RAB33A: variants seen among roughly 807,000 people sequenced by gnomAD.
RAB33A encodes RAB33A, member RAS oncogene family, also known as ras-related protein Rab-33A.
RAB33A carries 6 observed loss-of-function variants against 12.0 expected under a neutral mutation model. That is an observed-to-expected ratio of 0.50 (90% confidence interval 0.27 to 0.99). The LOEUF (loss-of-function observed/expected upper bound fraction) is 0.99, where lower values mean the gene tolerates loss of function less well. Among genes scored for constraint, RAB33A ranks in the 50% least tolerant of loss-of-function variants. The pLI, the probability that RAB33A is intolerant of heterozygous loss-of-function variation, is 0.11. For synonymous variants in RAB33A, 70 were observed against 82.4 expected (o/e 0.85, Z 0.81); for missense variants, 109 against 192.0 (o/e 0.57, Z 2.55).
At chrX:130,138,261 C>T in the RAB33A span, among the ~76,000 whole-genome samples, 10 of 110,545 alleles carry the variant, frequency 9.0e-5, no homozygotes, top group South Asian at 3.8e-4. Context: ...GTCAGGAGAT[C>T]GAGACAGTCC....
At chrX:130,165,068 C>T in the RAB33A span, among the ~76,000 whole-genome samples, 1 of 110,180 alleles carries the variant, frequency 9.1e-6, no homozygotes, top group African/African-American at 3.3e-5. Flanking sequence ...CTTACTTGCC[C>T]TGCACCGTTT....
chrX:130,145,583 A>C, the RAB33A span: 4 of 1,126,073 alleles, frequency 3.6e-6, no homozygotes, highest in African/African-American at 5.4e-5. Context: ...TATGGAGAAG[A>C]GAGGGAGAAT....
chrX:130,145,009 A>G, the RAB33A span, among the ~76,000 whole-genome samples: 1 of 112,142 alleles, frequency 8.9e-6, no homozygotes, highest in East Asian at 2.8e-4. Flanking sequence ...AGTACCTGCC[A>G]TTAACAACAA....
the RAB33A span, among the ~76,000 whole-genome samples, chrX:130,115,265 C>T: frequency 3.8e-5 from 1 of 26,609 alleles, no homozygotes; most frequent in Non-Finnish European, 6.5e-5. Flanking sequence ...TATACCACAA[C>T]GCCACAGTTT....
chrX:130,137,658 C>T, the RAB33A span: 10 of 1,104,421 alleles, frequency 9.1e-6, no homozygotes, highest in Non-Finnish European at 1.2e-5. Context: ...TTCAAAGACA[C>T]CCATAATTCT....
At chrX:130,151,833 G>C in the RAB33A span, among the ~76,000 whole-genome samples, 2 of 111,318 alleles carry the variant, frequency 1.8e-5, no homozygotes, top group Non-Finnish European at 3.8e-5. Context: ...TTGAGGCCAG[G>C]AGTTCGAGAC....
chrX:130,120,233 TG>T, the RAB33A span, among the ~76,000 whole-genome samples: 1 of 109,870 alleles, frequency 9.1e-6, no homozygotes, highest in Admixed American at 9.6e-5. Flanking sequence ...TTTTGTTTTT[TG>T]TTTTTTTTTC....
At chrX:130,178,931 C>A (rs1038085680) in intron 1 of RAB33A, among the ~76,000 whole-genome samples, 1 of 106,102 alleles carries the variant, frequency 9.4e-6, no homozygotes, top group East Asian at 2.9e-4. Context: ...GGATTACAGG[C>A]GTGAGCCACC....
At chrX:130,115,914 TTGGGTTTACATGACAAGGCCA>T in the RAB33A span, among the ~76,000 whole-genome samples, 1 of 110,715 alleles carries the variant, frequency 9.0e-6, no homozygotes, top group Non-Finnish European at 1.9e-5. Flanking sequence ...TTTGCATCTG[TTGGGTTTACATGACAAGGCCA>T]TGGGTATCCA....
At chrX:130,136,770 G>GAGC in the RAB33A span, 44 of 1,162,666 alleles carry the variant, frequency 3.8e-5, no homozygotes, top group Non-Finnish European at 5.2e-5. Context: ...AGCCTACAAG[G>GAGC]CTATCACTTT....
At chrX:130,171,723 G>C (rs1008405565), upstream of RAB33A, 39 of 255,183 alleles carry the variant, frequency 1.5e-4, 1 homozygote, top group East Asian at 2.8e-3. Flanking sequence ...GCGCGGTAGG[G>C]TCCTTCGCCA....
At chrX:130,122,540 A>G in the RAB33A span, among the ~76,000 whole-genome samples, 2 of 112,369 alleles carry the variant, frequency 1.8e-5, no homozygotes, top group African/African-American at 6.5e-5. Context: ...GCCATGGTCA[A>G]TATGGAAATG....
the RAB33A span, among the ~76,000 whole-genome samples, chrX:130,117,644 T>C: frequency 9.0e-6 from 1 of 110,646 alleles, no homozygotes; most frequent in African/African-American, 3.3e-5. Flanking sequence ...CCCCCTGGAG[T>C]CTCTAACTCC....
chrX:130,172,220 C>T lies in RAB33A; in HGVS notation c.158C>T (p.Thr53Ile). 1 of 1,212,361 alleles carries T rather than the reference C, an allele frequency of 8.2e-7. No homozygotes were observed. Among genetic ancestry groups the T allele is most frequent in the South Asian group, 1.8e-5 (1 of 57,050 alleles). ...GDSNVGKTCL[T>I]FRFCGGTFPD... ...TCCAACGTGGGCAAGACCTGCCTGACCTTCCGCTTCTGCGGGGGTACCTTC... is the reference window on the plus strand; with the variant it reads ...TCCAACGTGGGCAAGACCTGCCTGATCTTCCGCTTCTGCGGGGGTACCTTC... The change falls in exon 1 of 2, where the codon ACC (threonine) becomes ATC (isoleucine). Residue 53 changes from threonine to isoleucine, a missense_variant. Thr to Ile is a moderately conservative substitution (Grantham distance 89). Transcript: ENST00000257017.
the RAB33A span, among the ~76,000 whole-genome samples, chrX:130,153,991 G>C: frequency 3.6e-5 from 4 of 112,362 alleles, no homozygotes; most frequent in African/African-American, 1.3e-4. Context: ...GTTCTCTTGA[G>C]ACTAATACCA....
the RAB33A span, among the ~76,000 whole-genome samples, chrX:130,133,159 T>C: frequency 3.0e-4 from 34 of 112,055 alleles, no homozygotes; most frequent in African/African-American, 1.1e-3. Context: ...GCCAGATGGC[T>C]ACCTGAGGGT....
At chrX:130,184,088 C>T (rs1175788426) in intron 1 of RAB33A, among the ~76,000 whole-genome samples, 197 bp from the exon 2 acceptor site, 2 of 112,030 alleles carry the variant, frequency 1.8e-5, no homozygotes, top group Non-Finnish European at 3.8e-5. Context: ...GAGGTTTCTC[C>T]ATGTTGGTCA....
the RAB33A span, among the ~76,000 whole-genome samples, chrX:130,130,540 C>T: frequency 3.6e-5 from 4 of 112,593 alleles, no homozygotes; most frequent in African/African-American, 1.3e-4. Flanking sequence ...AATACAGTAG[C>T]CACTAGCCAC....
At chrX:130,149,608 A>G in the RAB33A span, 26 of 941,322 alleles carry the variant, frequency 2.8e-5, no homozygotes, top group Middle Eastern at 1.0e-3. Flanking sequence ...TTCACCATAC[A>G]GCTAGCTCAT....
Sources: allele counts gnomAD v4.1 joint callset (sites outside exome capture counted in the v4.1 genomes callset), GRCh38; gene constraint gnomAD v4.1.1; transcripts MANE v1.5; gene names NCBI Gene and HGNC (gene_info 2026-07-23, HGNC 2026-07-21).